N4BP2: variants seen among roughly 807,000 people sequenced by gnomAD.
N4BP2 encodes the protein NEDD4 binding protein 2, also known as NEDD4-binding protein 2.
N4BP2 carries 91 observed loss-of-function variants against 152.8 expected under a neutral mutation model. That is an observed-to-expected ratio of 0.60 (90% CI 0.50 to 0.71). The LOEUF is 0.71. Among genes scored for constraint, N4BP2 ranks in the 30% least tolerant of loss-of-function variants. N4BP2 has a pLI of 0.00. For missense variants in N4BP2, 1,923 were observed against 2,059.1 expected (o/e 0.93, Z 1.28); for synonymous variants, 646 against 705.3 (o/e 0.92, Z 1.33).
At chr4:40,087,765 T>G (rs1714126537) in intron 2 of N4BP2, among the ~76,000 whole-genome samples, 1 of 152,106 alleles carries the variant, frequency 6.6e-6, no homozygotes, top group South Asian at 2.1e-4. Context: ...GATTTTTTTA[T>G]TTTTTGAGAT....
At chr4:40,104,076 C>G (rs1030104645) in intron 4 of N4BP2, among the ~76,000 whole-genome samples, 11 of 152,026 alleles carry the variant, frequency 7.2e-5, no homozygotes, top group Non-Finnish European at 1.6e-4. Context: ...CCTCAGCCTC[C>G]CGAGCAGCTG....
chr4:40,132,475 TAAC>T (rs771356590), intron 13 of N4BP2, among the ~76,000 whole-genome samples: 6 of 152,184 alleles, frequency 3.9e-5, no homozygotes, highest in Non-Finnish European at 8.8e-5. Context: ...TCCAAATGAC[TAAC>T]CAAATGAATG....
the N4BP2 span, among the ~76,000 whole-genome samples, chr4:40,186,650 A>T: frequency 6.6e-6 from 1 of 152,370 alleles, no homozygotes; most frequent in East Asian, 1.9e-4. Flanking sequence ...TTCGTTTTGT[A>T]ACCTGCTTTT....
At chr4:40,059,251 A>G (rs898669345) in intron 1 of N4BP2, among the ~76,000 whole-genome samples, 3 of 151,102 alleles carry the variant, frequency 2.0e-5, no homozygotes, top group Non-Finnish European at 2.9e-5. Flanking sequence ...AAAAATAGCT[A>G]TCTACCTTCT....
intron 2 of N4BP2, chr4:40,077,989 A>G (rs568098650): frequency 1.3e-5 from 2 of 152,284 alleles, no homozygotes; most frequent in East Asian, 3.9e-4. Context: ...TTTTAGCTTC[A>G]GTATAAAAAC....
chr4:40,169,396 T>G, the N4BP2 span, among the ~76,000 whole-genome samples: 1 of 150,562 alleles, frequency 6.6e-6, no homozygotes, highest in East Asian at 2.0e-4. Context: ...AAAAAAAACC[T>G]TAAAAATAGA....
chr4:40,096,640 A>T (rs1359656671), intron 2 of N4BP2, among the ~76,000 whole-genome samples: 1 of 152,170 alleles, frequency 6.6e-6, no homozygotes, highest in Non-Finnish European at 1.5e-5. Flanking sequence ...AAACCAAGAG[A>T]TAGGAGACTT....
rs187780289 is a variant in N4BP2 at position 40,109,690 on chromosome 4, C to T, written c.1499-2394C>T. 4.4e-3 allele frequency among the ~76,000 whole-genome samples: 663 copies of T among 151,814 alleles called. 5 individuals carry two copies. The highest frequency in any genetic ancestry group is 0.015 in the African/African-American group (639 of 41,370). ...TCAGGATCCCACTACTGCACTCCAG[C>T]CTGGGTGACAGAGCAAGACTCTGTC... On this transcript the variant is annotated intron_variant, in intron 5 of 17. Coordinates refer to ENST00000261435, the MANE Select transcript of N4BP2 (RefSeq NM_018177.6).
intron 1 of N4BP2, among the ~76,000 whole-genome samples, chr4:40,063,990 G>T (rs987228124): frequency 2.0e-5 from 3 of 151,756 alleles, no homozygotes; most frequent in Non-Finnish European, 4.4e-5. Flanking sequence ...GCAGGGGGGG[G>T]TCTCACTATG....
At chr4:40,069,050 G>A (rs750481558) in intron 1 of N4BP2, among the ~76,000 whole-genome samples, 4 of 152,018 alleles carry the variant, frequency 2.6e-5, no homozygotes, top group Admixed American at 6.6e-5. Context: ...AACCTGGGAG[G>A]CAGATGTTGC....
At chr4:40,146,869 C>CTT (rs33993973) in intron 16 of N4BP2, among the ~76,000 whole-genome samples, 3 of 90,038 alleles carry the variant, frequency 3.3e-5, no homozygotes, top group Non-Finnish European at 6.6e-5. Context: ...ATGTGTTTGG[C>CTT]TTTTTTTTTT....
At chr4:40,161,209 G>A (rs1721850922), downstream of N4BP2, among the ~76,000 whole-genome samples, 1 of 152,190 alleles carries the variant, frequency 6.6e-6, no homozygotes, top group Non-Finnish European at 1.5e-5. Context: ...GCCTGACAAA[G>A]GCAAATGCAA....
intron 1 of N4BP2, among the ~76,000 whole-genome samples, chr4:40,068,528 A>C (rs1386162393): frequency 6.6e-6 from 1 of 152,172 alleles, no homozygotes; most frequent in African/African-American, 2.4e-5. Context: ...ATTCTTTTGC[A>C]TGTGGGTACC....
chr4:40,090,094 G>A (rs534638078), intron 2 of N4BP2, among the ~76,000 whole-genome samples: 69 of 152,234 alleles, frequency 4.5e-4, no homozygotes, highest in Middle Eastern at 6.8e-3. Context: ...CACTTATGTT[G>A]CTGGGTTTTC....
chr4:40,152,739 A>C, intron 16 of N4BP2, 41 bp from the exon 17 acceptor site: 1 of 1,608,434 alleles, frequency 6.2e-7, no homozygotes, highest in Non-Finnish European at 8.5e-7. Context: ...TGAGAATGTA[A>C]GATAAATGAA....
chr4:40,108,992 T>A (rs745315295), intron 5 of N4BP2, among the ~76,000 whole-genome samples: 13 of 151,952 alleles, frequency 8.6e-5, no homozygotes, highest in Non-Finnish European at 1.6e-4. Flanking sequence ...AGTTTTTGTA[T>A]TTTTAGTAGA....
intron 13 of N4BP2, among the ~76,000 whole-genome samples, chr4:40,134,444 G>A (rs1042290050): frequency 6.6e-6 from 1 of 152,174 alleles, no homozygotes; most frequent in African/African-American, 2.4e-5. Context: ...TTAGGTGGCT[G>A]ATTGCCTCCA....
the N4BP2 span, among the ~76,000 whole-genome samples, chr4:40,179,913 C>T: frequency 2.6e-5 from 4 of 151,692 alleles, no homozygotes; most frequent in South Asian, 2.1e-4. Context: ...TACAGGCATG[C>T]GCCACCACGC....
chr4:40,059,384 TTATG>T (rs568897689), intron 1 of N4BP2, among the ~76,000 whole-genome samples: 8 of 151,796 alleles, frequency 5.3e-5, no homozygotes, highest in South Asian at 2.1e-4. Flanking sequence ...TGAGCATTTT[TTATG>T]TATGTATGTA....
Sources: gnomAD v4.1 joint callset for allele counts (sites outside exome capture counted in the v4.1 genomes callset) on GRCh38, gnomAD v4.1.1 for gene constraint, MANE v1.5 for transcripts, NCBI Gene and HGNC (gene_info 2026-07-23, HGNC 2026-07-21) for gene names.